Variants in NBPF6 observed in about 807,000 individuals in gnomAD.
The protein encoded by NBPF6 is NBPF family member NBPF6.
A neutral mutation model predicts 20.8 loss-of-function variants in NBPF6; 2 were observed. That is an observed-to-expected ratio of 0.10 (90% confidence interval 0.04 to 0.30). The LOEUF (loss-of-function observed/expected upper bound fraction) is 0.30, where lower values mean the gene tolerates loss of function less well. Among genes scored for constraint, NBPF6 ranks in the 10% least tolerant of loss-of-function variants. The pLI is 1.00. For synonymous variants in NBPF6, 24 were observed against 100.0 expected, an observed-to-expected ratio of 0.24 and a Z score of 4.53; for missense variants, 85 against 260.3, an observed-to-expected ratio of 0.33 and a Z score of 4.63.
chr1:108,459,647 C>T (rs1376486235), intron 9 of NBPF6, among the ~76,000 whole-genome samples: 12 of 60,376 alleles, frequency 2.0e-4, no homozygotes, highest in South Asian at 7.0e-4. Flanking sequence ...CAGTAAGTCA[C>T]GACTCTACCA....
At chr1:108,429,618 C>T in the NBPF6 span, among the ~76,000 whole-genome samples, 72 of 148,392 alleles carry the variant, frequency 4.9e-4, no homozygotes, top group African/African-American at 1.5e-3. Flanking sequence ...GTTCAATTTC[C>T]ATGTAGTCGT....
At chr1:108,468,999 AG>A (rs958580383) in intron 14 of NBPF6, among the ~76,000 whole-genome samples, 4 of 146,268 alleles carry the variant, frequency 2.7e-5, no homozygotes, top group African/African-American at 1.1e-4. Context: ...CCAACATGGA[AG>A]TGCCACATAT....
In NBPF6 at chr1:108,471,364, G is replaced by C. The variant is rs184115134; in HGVS notation, c.*726G>C. Reference sequence around the variant, plus strand: ...TAAACATTTTGCCAGGAACTCTGCAGAGTCCATGCTGTGAGCTTCCTACCT... The same window carrying C: ...TAAACATTTTGCCAGGAACTCTGCACAGTCCATGCTGTGAGCTTCCTACCT... On this transcript the variant is annotated 3_prime_UTR_variant, in exon 15 of 15. Coordinates refer to ENST00000495380, the MANE Select transcript of NBPF6 (RefSeq NM_001143988.2). Among the ~76,000 whole-genome samples the C allele has an allele frequency of 6.6e-6, 1 of 152,292 alleles. No homozygotes were observed. Among genetic ancestry groups the C allele is most frequent in the Non-Finnish European group, 1.5e-5 (1 of 68,020 alleles).
the NBPF6 span, among the ~76,000 whole-genome samples, chr1:108,429,575 A>T: frequency 1.2e-4 from 17 of 145,462 alleles, no homozygotes; most frequent in Non-Finnish European, 2.4e-4. Flanking sequence ...GCTTAATTTC[A>T]TTATATACCC....
intron 8 of NBPF6, 42 bp from the exon 9 acceptor site, chr1:108,459,016 G>T (rs1488750289): frequency 2.5e-6 from 1 of 406,778 alleles, no homozygotes; most frequent in Non-Finnish European, 4.6e-6. Context: ...GTGTGAATGT[G>T]ATCAGGTTCA....
At position 108,471,598 on chromosome 1, in the gene NBPF6, C is replaced by A. The variant is rs1467144665; in HGVS notation, c.*960C>A. Among the ~76,000 whole-genome samples, 1 of 152,180 alleles carries A rather than the reference C, an allele frequency of 6.6e-6. No homozygotes were observed. The highest frequency in any genetic ancestry group is 1.5e-5 in the Non-Finnish European group (1 of 68,034). ...GTATTTTATCATCAATTAATCACCC[C>A]TGCCTGTGTCAGTTATTATATTTAT... On this transcript the variant is annotated 3_prime_UTR_variant, in exon 15 of 15. Transcript: ENST00000495380.
chr1:108,446,529 A>AAG, upstream of NBPF6, among the ~76,000 whole-genome samples: 1 of 43,170 alleles, frequency 2.3e-5, no homozygotes, highest in African/African-American at 6.0e-5. Flanking sequence ...CTCAAAAAAA[A>AAG]AAAAAAAAAA....
the NBPF6 span, among the ~76,000 whole-genome samples, chr1:108,434,714 C>T: frequency 3.5e-5 from 3 of 84,694 alleles, no homozygotes; most frequent in African/African-American, 1.1e-4. Context: ...TCATCTCAAA[C>T]TCCCAGACTC....
At chr1:108,465,631 G>A (rs1653142766) in intron 13 of NBPF6, among the ~76,000 whole-genome samples, 2 of 84,560 alleles carry the variant, frequency 2.4e-5, no homozygotes, top group Admixed American at 2.4e-4. Flanking sequence ...TCTGCTTGTT[G>A]ACTTTGGCCA....
At chr1:108,441,757 TG>T in the NBPF6 span, among the ~76,000 whole-genome samples, 1 of 49,250 alleles carries the variant, frequency 2.0e-5, no homozygotes, top group Non-Finnish European at 4.1e-5. Context: ...GCTGAAATCC[TG>T]GAACAGACCA....
the NBPF6 span, among the ~76,000 whole-genome samples, chr1:108,429,677 G>A: frequency 2.8e-4 from 41 of 145,986 alleles, no homozygotes; most frequent in South Asian, 1.6e-3. Context: ...TGATTGCACT[G>A]TGGTCTTAGA....
chr1:108,467,697 A>C, intron 14 of NBPF6, 32 bp downstream of exon 14: 1 of 1,548,640 alleles, frequency 6.5e-7, no homozygotes, highest in Non-Finnish European at 8.7e-7. Flanking sequence ...AGCTGCACTC[A>C]CTTCTTATTT....
rs758588007 is a variant in NBPF6, at chr1:108,465,196, G to A, written c.1432G>A (p.Glu478Lys). 147 of 1,117,050 alleles carry A rather than the reference G, an allele frequency of 1.3e-4. 33 individuals are homozygous for A. Among genetic ancestry groups the A allele is most frequent in the East Asian group, 8.1e-4 (26 of 32,052 alleles). 69.2% of individuals were successfully genotyped at this position (1,117,050 alleles called of 1,614,324 possible). A position where few individuals can be genotyped will look rare whatever the true frequency, so the allele number is the denominator to read the frequency against. ...CSALDVASPT[E>K]AACPQGTWSG... The stretch of plus-strand genomic sequence containing the variant: ...GCCCCTTCTCCTTTCAGCCCCCACC[G>A]AGGCGGCCTGTCCCCAAGGGACTTG... Residue 478 changes from glutamate (E) to lysine (K), a missense_variant, in exon 13 of 15, where the codon GAG becomes AAG. Coordinates refer to ENST00000495380, the MANE Select transcript of NBPF6 (RefSeq NM_001143988.2).
upstream of NBPF6, among the ~76,000 whole-genome samples, chr1:108,448,500 C>A (rs1324446124): frequency 7.2e-6 from 1 of 138,074 alleles, no homozygotes; most frequent in Admixed American, 7.1e-5. Flanking sequence ...GGTCCCAATG[C>A]TGAAGGAGGG....
the NBPF6 span, among the ~76,000 whole-genome samples, chr1:108,434,769 G>A: frequency 3.4e-5 from 3 of 88,548 alleles, no homozygotes; most frequent in Non-Finnish European, 8.4e-5. Flanking sequence ...GGAATCACAA[G>A]CTTGAGCCAT....
chr1:108,468,192 C>T lies in NBPF6; in HGVS notation c.1875+527C>T, dbSNP rs397834470. ...GTTAAAACTAAGCACTAAGAGCCCCCCTAGGAAACTAAACTAGAACCAGGG... is the reference window on the plus strand; with the variant it reads ...GTTAAAACTAAGCACTAAGAGCCCCTCTAGGAAACTAAACTAGAACCAGGG... On this transcript the variant is annotated intron_variant, in intron 14 of 14. Coordinates refer to ENST00000495380, the MANE Select transcript of NBPF6 (RefSeq NM_001143988.2). Among the ~76,000 whole-genome samples the T allele has an allele frequency of 3.8e-4, 58 of 151,468 alleles. 1 individual carries two copies. The highest frequency in any genetic ancestry group is 3.5e-3 in the Middle Eastern group (1 of 288).
chr1:108,436,592 CAAA>C, the NBPF6 span, among the ~76,000 whole-genome samples: 6 of 16,348 alleles, frequency 3.7e-4, no homozygotes, highest in South Asian at 3.5e-3. Flanking sequence ...GGCTCTGTCT[CAAA>C]AAAAAAAAAA....
upstream of NBPF6, among the ~76,000 whole-genome samples, chr1:108,448,534 C>T (rs1652706212): frequency 8.0e-6 from 1 of 124,776 alleles, no homozygotes; most frequent in South Asian, 2.5e-4. Flanking sequence ...TGGAAAATGA[C>T]ACAGGAATGA....
At chr1:108,449,415 ACTATATAT>A (rs1456804772), upstream of NBPF6, among the ~76,000 whole-genome samples, 6 of 9,598 alleles carry the variant, frequency 6.3e-4, no homozygotes, top group African/African-American at 9.0e-4. Context: ...TGTTAGAACA[ACTATATAT>A]ATATATATAT....
Sources: allele counts gnomAD v4.1 joint callset (sites outside exome capture counted in the v4.1 genomes callset), GRCh38; gene constraint gnomAD v4.1.1; transcripts MANE v1.5; gene names NCBI Gene and HGNC (gene_info 2026-07-23, HGNC 2026-07-21).